The following GNAQ variants were observed in gnomAD, a reference collection of about 807,000 sequenced individuals.
The protein encoded by GNAQ is G protein subunit alpha q.
A neutral mutation model predicts 43.9 loss-of-function variants in GNAQ; 8 were observed. The observed-to-expected ratio is 0.18, with a 90% CI of 0.11 to 0.33. GNAQ has a LOEUF of 0.33. GNAQ is among the 10% of genes least tolerant of loss of function. The pLI is 1.00. For synonymous variants in GNAQ, 155 were observed against 170.7 expected (o/e 0.91, Z 0.71); for missense variants, 158 against 450.8 (o/e 0.35, Z 5.88).
intron 1 of GNAQ, among the ~76,000 whole-genome samples, chr9:77,955,067 C>CAAA (rs1230685766): frequency 2.0e-5 from 3 of 152,230 alleles, no homozygotes; most frequent in Non-Finnish European, 4.4e-5. Context: ...ACACAGTTTA[C>CAAA]ACTGGCAAAG....
At chr9:77,854,652 A>C (rs751276510) in intron 2 of GNAQ, among the ~76,000 whole-genome samples, 4 of 152,200 alleles carry the variant, frequency 2.6e-5, no homozygotes, top group African/African-American at 7.2e-5. Flanking sequence ...GCCGTTTAAG[A>C]AGCTAAGGCC....
chr9:77,862,906 C>T lies in GNAQ; in HGVS notation c.322-47136G>A, dbSNP rs118163009. ...GCTTAGAAATTTCTTCCGCCAGACA[C>T]GGTGGCTCATGCCTGTAATCCCAGC... On this transcript the variant is annotated intron_variant, in intron 2 of 6. Coordinates refer to ENST00000286548, the MANE Select transcript of GNAQ (RefSeq NM_002072.5). Among the ~76,000 whole-genome samples the T allele has an allele frequency of 1.1e-3, 168 of 152,316 alleles. 1 individual carries two copies. In the East Asian group the frequency reaches 0.029, roughly 26 times the overall value.
intron 2 of GNAQ, among the ~76,000 whole-genome samples, chr9:77,836,241 A>T (rs1293925581): frequency 1.3e-5 from 2 of 150,316 alleles, no homozygotes; most frequent in African/African-American, 4.9e-5. Flanking sequence ...CCCCCCCCGG[A>T]TCTGTCCAAG....
At chr9:77,785,542 C>A (rs1465485433) in intron 5 of GNAQ, among the ~76,000 whole-genome samples, 1 of 152,182 alleles carries the variant, frequency 6.6e-6, no homozygotes, top group East Asian at 1.9e-4. Context: ...CTGATAATAT[C>A]TATTTATTGT....
intron 5 of GNAQ, among the ~76,000 whole-genome samples, chr9:77,758,777 G>A (rs1825942960): frequency 6.6e-6 from 1 of 152,198 alleles, no homozygotes; most frequent in Non-Finnish European, 1.5e-5. Flanking sequence ...TAAAGAGCTT[G>A]AGTAATTTTC....
intron 5 of GNAQ, among the ~76,000 whole-genome samples, chr9:77,778,926 G>A (rs943034642): frequency 6.6e-6 from 1 of 151,840 alleles, no homozygotes; most frequent in Non-Finnish European, 1.5e-5. Flanking sequence ...CACAAAACAT[G>A]AGGCAAAAAC....
At chr9:77,896,940 G>C (rs1828513863) in intron 2 of GNAQ, among the ~76,000 whole-genome samples, 1 of 152,196 alleles carries the variant, frequency 6.6e-6, no homozygotes, top group Admixed American at 6.5e-5. Context: ...ACATTGCATG[G>C]GCAGCTGTGT....
At chr9:77,996,677 C>CAAAAAAAAAAAAAAA (rs3083223) in intron 1 of GNAQ, among the ~76,000 whole-genome samples, 70 of 105,400 alleles carry the variant, frequency 6.6e-4, no homozygotes, top group Non-Finnish European at 8.4e-4. Context: ...GACTCCATCT[C>CAAAAAAAAAAAAAAA]AAAAAAAAAA....
intron 5 of GNAQ, among the ~76,000 whole-genome samples, chr9:77,764,821 C>G (rs1403634738): frequency 6.6e-6 from 1 of 152,142 alleles, no homozygotes; most frequent in Non-Finnish European, 1.5e-5. Context: ...GAATAAAACC[C>G]CTGCATCAAA....
intron 5 of GNAQ, among the ~76,000 whole-genome samples, chr9:77,755,720 C>T (rs538233901): frequency 5.3e-5 from 8 of 152,076 alleles, no homozygotes; most frequent in Non-Finnish European, 8.8e-5. Flanking sequence ...GGTGCATTTC[C>T]GGTTGTATGA....
At chr9:77,769,997 T>G (rs1341296165) in intron 5 of GNAQ, among the ~76,000 whole-genome samples, 1 of 152,068 alleles carries the variant, frequency 6.6e-6, no homozygotes, top group East Asian at 1.9e-4. Flanking sequence ...GATTGTGTAT[T>G]TGGGTAATGA....
chr9:78,012,311 C>A lies in GNAQ; in HGVS notation c.136+18789G>T, dbSNP rs151170781. Among the ~76,000 whole-genome samples the A allele has an allele frequency of 5.0e-3, 744 of 149,666 alleles. 11 individuals carry two copies. Among genetic ancestry groups the A allele is most frequent in the East Asian group, 0.038 (190 of 5,036 alleles). On this transcript the variant is annotated intron_variant, in intron 1 of 6. Coordinates refer to ENST00000286548, the MANE Select transcript of GNAQ (RefSeq NM_002072.5). ...GGAGTGCAATGGCACAATCTCAGCT[C>A]ACTGCAACCTCCACCTCCCAGGTTC...
At position 77,739,059 on chromosome 9, in the gene GNAQ, C is replaced by G. The variant is rs1470241823; in HGVS notation, c.736-10392G>C. 2.6e-5 allele frequency among the ~76,000 whole-genome samples: 4 copies of G among 152,158 alleles called. 1 individual carries two copies. The highest frequency in any genetic ancestry group is 5.9e-5 in the Non-Finnish European group (4 of 68,030). On this transcript the variant is annotated intron_variant, in intron 5 of 6. Transcript: ENST00000286548. Reference sequence around the variant, plus strand: ...AAAGCATATTGCAAATTTTAAGGCTCTTGGTTACAGGCTACCAAATAACTT... The same window carrying G: ...AAAGCATATTGCAAATTTTAAGGCTGTTGGTTACAGGCTACCAAATAACTT...
intron 1 of GNAQ, among the ~76,000 whole-genome samples, chr9:77,951,437 T>A (rs1481509920): frequency 2.0e-5 from 3 of 152,198 alleles, no homozygotes; most frequent in East Asian, 1.9e-4. Context: ...GCTAAAGATA[T>A]GTTTGGACTC....
At chr9:77,979,837 G>A (rs1016163898) in intron 1 of GNAQ, among the ~76,000 whole-genome samples, 3 of 152,086 alleles carry the variant, frequency 2.0e-5, no homozygotes, top group African/African-American at 7.2e-5. Flanking sequence ...ACATGATTTG[G>A]CATCTTGGCT....
At chr9:77,953,339 T>G (rs1294907468) in intron 1 of GNAQ, among the ~76,000 whole-genome samples, 1 of 152,218 alleles carries the variant, frequency 6.6e-6, no homozygotes, top group Non-Finnish European at 1.5e-5. Context: ...CAAAATCATC[T>G]CTGGGTGTTT....
At chr9:77,985,620 T>TGTGGCTC (rs1320622275) in intron 1 of GNAQ, among the ~76,000 whole-genome samples, 4 of 152,240 alleles carry the variant, frequency 2.6e-5, no homozygotes, top group Non-Finnish European at 5.9e-5. Context: ...AGTCTCGCTC[T>TGTGGCTC]GTGGCTCAGG....
chr9:77,877,215 A>G (rs1017351096), intron 2 of GNAQ, among the ~76,000 whole-genome samples: 6 of 152,214 alleles, frequency 3.9e-5, no homozygotes, highest in Non-Finnish European at 7.3e-5. Flanking sequence ...CTCTCCCCGA[A>G]GAATATTCAA....
chr9:77,971,245 C>G (rs1299206696), intron 1 of GNAQ, among the ~76,000 whole-genome samples: 1 of 152,142 alleles, frequency 6.6e-6, no homozygotes, highest in African/African-American at 2.4e-5. Context: ...TTTCAATCAA[C>G]AGAAAAAGAG....
Sources: allele counts gnomAD v4.1 joint callset (sites outside exome capture counted in the v4.1 genomes callset), GRCh38; gene constraint gnomAD v4.1.1; transcripts MANE v1.5; gene names NCBI Gene and HGNC (gene_info 2026-07-23, HGNC 2026-07-21).